Variants in DLGAP1 observed in about 807,000 individuals in gnomAD.
DLGAP1 encodes the protein DLG associated protein 1.
In DLGAP1, 11 loss-of-function variants were observed where a neutral mutation model predicts 90.8. That is an observed-to-expected ratio of 0.12 (90% confidence interval 0.08 to 0.20). The LOEUF (loss-of-function observed/expected upper bound fraction) is 0.20. Ranked by LOEUF, DLGAP1 falls within the 10% of genes least tolerant of loss-of-function variation. The pLI is 1.00. For missense variants in DLGAP1, 1,050 were observed against 1,333.8 expected, an observed-to-expected ratio of 0.79 and a Z score of 3.31; for synonymous variants, 558 against 540.7, an observed-to-expected ratio of 1.03 and a Z score of -0.44.
chr18:3,763,718 CA>C (rs2064082564), intron 5 of DLGAP1, among the ~76,000 whole-genome samples: 1 of 151,058 alleles, frequency 6.6e-6, no homozygotes. Flanking sequence ...GGCTGGAGTG[CA>C]ATGGCGTGAT....
chr18:4,365,682 G>A (rs1049613298), intron 1 of DLGAP1, among the ~76,000 whole-genome samples: 11 of 152,120 alleles, frequency 7.2e-5, no homozygotes, highest in African/African-American at 2.4e-5. Context: ...GAGCTATTCC[G>A]TGTTAAGCAC....
chr18:3,712,219 A>G (rs1353063216), intron 7 of DLGAP1, among the ~76,000 whole-genome samples: 1 of 152,186 alleles, frequency 6.6e-6, no homozygotes, highest in East Asian at 1.9e-4. Flanking sequence ...TGAGTGTTCT[A>G]GAAGAGGTGG....
intron 4 of DLGAP1, among the ~76,000 whole-genome samples, chr18:3,872,008 T>G (rs745759362): frequency 6.6e-6 from 1 of 152,072 alleles, no homozygotes; most frequent in East Asian, 1.9e-4. Flanking sequence ...GAAACTCCAG[T>G]TGACAGAGAA....
At chr18:4,033,968 A>G (rs901133523) in intron 2 of DLGAP1, among the ~76,000 whole-genome samples, 17 of 148,794 alleles carry the variant, frequency 1.1e-4, no homozygotes, top group Non-Finnish European at 2.4e-4. Context: ...CCATCTCCGG[A>G]CCTCGTGATC....
intron 3 of DLGAP1, among the ~76,000 whole-genome samples, chr18:3,950,596 GTGAA>G (rs1009576544): frequency 2.0e-5 from 3 of 152,188 alleles, no homozygotes; most frequent in South Asian, 4.1e-4. Flanking sequence ...AGTCAAATGA[GTGAA>G]TGAATGAATG....
At chr18:3,816,163 G>A (rs1397869352) in intron 4 of DLGAP1, among the ~76,000 whole-genome samples, 2 of 152,146 alleles carry the variant, frequency 1.3e-5, no homozygotes, top group East Asian at 1.9e-4. Context: ...TTTCTCAGGT[G>A]AGAAGCAGGA....
At chr18:4,385,196 CT>C (rs1157133703) in intron 1 of DLGAP1, among the ~76,000 whole-genome samples, 2 of 152,146 alleles carry the variant, frequency 1.3e-5, no homozygotes, top group African/African-American at 4.8e-5. Flanking sequence ...CACTAAATTC[CT>C]CTCTTATTTT....
At chr18:4,132,843 C>T (rs560974288) in intron 2 of DLGAP1, among the ~76,000 whole-genome samples, 120 of 152,216 alleles carry the variant, frequency 7.9e-4, no homozygotes, top group Non-Finnish European at 1.5e-3. Context: ...AAGCATAATT[C>T]CTGTTATCCA....
chr18:4,177,009 C>G (rs1194053019), intron 1 of DLGAP1, among the ~76,000 whole-genome samples: 1 of 152,108 alleles, frequency 6.6e-6, no homozygotes, highest in East Asian at 1.9e-4. Context: ...ACAGGTGCTG[C>G]CCCAGGTCAG....
intron 2 of DLGAP1, among the ~76,000 whole-genome samples, chr18:4,087,879 T>C (rs1253851346): frequency 6.6e-6 from 1 of 152,158 alleles, no homozygotes; most frequent in Admixed American, 6.5e-5. Flanking sequence ...GTTGACATGA[T>C]CTGTCTTGAT....
At chr18:4,195,555 T>C (rs550040567) in intron 1 of DLGAP1, among the ~76,000 whole-genome samples, 2 of 152,126 alleles carry the variant, frequency 1.3e-5, no homozygotes, top group South Asian at 4.1e-4. Flanking sequence ...TTTTTATCTA[T>C]TTATTTTTTT....
chr18:3,520,094 C>T (rs1336021367), intron 10 of DLGAP1, among the ~76,000 whole-genome samples: 3 of 152,132 alleles, frequency 2.0e-5, no homozygotes, highest in African/African-American at 4.8e-5. Flanking sequence ...GCAACACAAA[C>T]AAACAAAGAC....
intron 5 of DLGAP1, among the ~76,000 whole-genome samples, chr18:3,743,596 C>T (rs938689287): frequency 2.6e-5 from 4 of 151,946 alleles, no homozygotes; most frequent in East Asian, 3.9e-4. Flanking sequence ...CCTCGTGATC[C>T]GCCCACCTCG....
intron 1 of DLGAP1, among the ~76,000 whole-genome samples, chr18:4,337,255 G>A (rs895949488): frequency 2.8e-4 from 39 of 141,668 alleles, no homozygotes; most frequent in Non-Finnish European, 1.2e-4. Context: ...GTGCAGTGGC[G>A]CAATCTTGGT....
intron 4 of DLGAP1, among the ~76,000 whole-genome samples, chr18:3,822,728 T>A (rs1034752878): frequency 7.2e-5 from 11 of 152,092 alleles, no homozygotes; most frequent in Non-Finnish European, 1.2e-4. Flanking sequence ...AGGTCTGCAG[T>A]CCCCAAGGGA....
chr18:4,206,631 C>T (rs2077726632), intron 1 of DLGAP1, among the ~76,000 whole-genome samples: 1 of 152,198 alleles, frequency 6.6e-6, no homozygotes, highest in African/African-American at 2.4e-5. Context: ...GAATTCCTTG[C>T]ATACGACAGT....
At chr18:3,801,300 T>C (rs1367866876) in intron 5 of DLGAP1, among the ~76,000 whole-genome samples, 1 of 152,238 alleles carries the variant, frequency 6.6e-6, no homozygotes, top group Non-Finnish European at 1.5e-5. Context: ...TGGTTGGCTT[T>C]TGATTTTTGG....
intron 4 of DLGAP1, among the ~76,000 whole-genome samples, chr18:3,854,956 T>G (rs2069547589): frequency 6.6e-6 from 1 of 152,148 alleles, no homozygotes; most frequent in Non-Finnish European, 1.5e-5. Context: ...GAGATACAAT[T>G]TGTCAGATGA....
At chr18:4,131,655 T>G (rs949047162) in intron 2 of DLGAP1, among the ~76,000 whole-genome samples, 4 of 152,096 alleles carry the variant, frequency 2.6e-5, no homozygotes, top group Non-Finnish European at 5.9e-5. Context: ...TCTAGAAGAA[T>G]CACTCCAAAA....
Sources: allele counts gnomAD v4.1 joint callset (sites outside exome capture counted in the v4.1 genomes callset), GRCh38; gene constraint gnomAD v4.1.1; transcripts MANE v1.5; gene names NCBI Gene and HGNC (gene_info 2026-07-23, HGNC 2026-07-21).